The following ANKRD44 variants were observed in gnomAD, a reference collection of about 807,000 sequenced individuals.
ANKRD44 encodes ankyrin repeat domain 44.
A neutral mutation model predicts 116.0 loss-of-function variants in ANKRD44; 35 were observed. The ratio of observed to expected loss-of-function variants is 0.30; its 90% CI spans 0.23 to 0.40. The LOEUF (loss-of-function observed/expected upper bound fraction) is 0.40. Among genes scored for constraint, ANKRD44 ranks in the 10% least tolerant of loss-of-function variants. The probability of loss-of-function intolerance (pLI) is 1.00; values close to 1 mark genes in which losing one functional copy is unlikely to be tolerated. For synonymous variants in ANKRD44, 435 were observed against 461.8 expected (o/e 0.94, Z 0.74); for missense variants, 1,014 against 1,242.6 (o/e 0.82, Z 2.77).
downstream of ANKRD44, among the ~76,000 whole-genome samples, chr2:196,985,578 A>T (rs1353433451): frequency 6.6e-6 from 1 of 152,258 alleles, no homozygotes; most frequent in Admixed American, 6.5e-5. Flanking sequence ...AAGAGAGAAC[A>T]TCTAGAGGCA....
chr2:197,053,649 A>G (rs1178470594), intron 16 of ANKRD44, among the ~76,000 whole-genome samples: 2 of 151,988 alleles, frequency 1.3e-5, no homozygotes, highest in Admixed American at 6.6e-5. Flanking sequence ...ATGCCCATCT[A>G]ATTTTGTATT....
intron 16 of ANKRD44, among the ~76,000 whole-genome samples, chr2:197,076,263 G>A (rs995155316): frequency 8.5e-5 from 13 of 152,176 alleles, no homozygotes; most frequent in Non-Finnish European, 1.8e-4. Flanking sequence ...TGACCCCTGC[G>A]AAGACGGCTA....
chr2:197,169,736 A>C (rs941688691), intron 2 of ANKRD44, among the ~76,000 whole-genome samples: 1 of 152,140 alleles, frequency 6.6e-6, no homozygotes, highest in African/African-American at 2.4e-5. Context: ...AAAGCCCATC[A>C]ATCTGTATTT....
chr2:197,050,607 G>A (rs2077088894), intron 16 of ANKRD44, among the ~76,000 whole-genome samples: 1 of 151,950 alleles, frequency 6.6e-6, no homozygotes, highest in Non-Finnish European at 1.5e-5. Flanking sequence ...ATTTTCAGTG[G>A]AGACAGGGTT....
intron 1 of ANKRD44, among the ~76,000 whole-genome samples, chr2:197,194,164 G>C (rs2080892569): frequency 6.6e-6 from 1 of 152,136 alleles, no homozygotes; most frequent in Admixed American, 6.5e-5. Flanking sequence ...CATCATATTG[G>C]GAGAGAAGCT....
chr2:196,974,015 G>A (rs1336859728), intron 21 of ANKRD44, among the ~76,000 whole-genome samples: 2 of 151,886 alleles, frequency 1.3e-5, no homozygotes, highest in Non-Finnish European at 2.9e-5. Flanking sequence ...TGGAATGAAA[G>A]TAGAAATCAG....
rs550556875 is a variant in ANKRD44 at position 197,288,665 on chromosome 2, T to C, written c.27+21913A>G. Among the ~76,000 whole-genome samples the C allele has an allele frequency of 4.2e-3, 639 of 152,054 alleles. 3 individuals are homozygous for C. The highest frequency in any genetic ancestry group is 0.015 in the African/African-American group (610 of 41,454). On this transcript the variant is annotated intron_variant, in intron 1 of 27. Transcript: ENST00000282272. ...CACGTGATATATATATATACACATA[T>C]ACACACACATATACACATACACACA... is the stretch of plus-strand genomic sequence containing the variant.
At chr2:197,110,639 A>G (rs1445149993) in intron 9 of ANKRD44, 127 bp downstream of exon 9, 3 of 768,108 alleles carry the variant, frequency 3.9e-6, no homozygotes, top group Admixed American at 1.9e-5. Flanking sequence ...TACATCAAAG[A>G]ATTATGTAAT....
At position 197,147,036 on chromosome 2, in the gene ANKRD44, T is replaced by C. The variant is rs1447736805; in HGVS notation, c.181A>G (p.Ile61Val). 2 of 1,613,608 alleles carry C rather than the reference T, an allele frequency of 1.2e-6. No homozygotes were observed. Among genetic ancestry groups the C allele is most frequent in the African/African-American group, 2.7e-5 (2 of 74,908 alleles). ...TATAGCAGTTATTTACCTGACAAAA[T>C]CAGGAGTTCAATGATCTCTGCATCT... Reference protein sequence around the residue: ...LGDAEIIELLILSGARVNAKD... With the variant: ...LGDAEIIELLVLSGARVNAKD... Residue 61 changes from isoleucine (I) to valine (V), a missense_variant, in exon 3 of 28, where the codon ATT becomes GTT. Coordinates refer to ENST00000282272, the MANE Select transcript of ANKRD44 (RefSeq NM_001195144.2).
At chr2:197,248,574 G>GTATATATATATATATATATATATATA (rs1237255982) in intron 1 of ANKRD44, among the ~76,000 whole-genome samples, 2 of 118,784 alleles carry the variant, frequency 1.7e-5, no homozygotes, top group African/African-American at 5.7e-5. Context: ...GTGTGTGTGT[G>GTATATATATATATATATATATATATA]TGTGTATATA....
chr2:197,036,637 ACT>A lies in ANKRD44; in HGVS notation c.1651-11372_1651-11371del, dbSNP rs566605946. Reference sequence around the variant, plus strand: ...TTCTTCTTGGGAGCAGATTTTGATGACTCTGATTATCTCCACCCTCCAGTGTG... The same window carrying A: ...TTCTTCTTGGGAGCAGATTTTGATGACTGATTATCTCCACCCTCCAGTGTG... On this transcript the variant is annotated intron_variant, in intron 16 of 27. Transcript: ENST00000282272. 1.2e-4 allele frequency among the ~76,000 whole-genome samples: 19 copies of A among 152,026 alleles called. No individual in the cohort carries two copies. The South Asian group carries it at 4.0e-3, about 32-fold the overall frequency.
intron 1 of ANKRD44, among the ~76,000 whole-genome samples, chr2:197,244,094 C>T (rs940499574): frequency 1.3e-5 from 2 of 152,176 alleles, no homozygotes; most frequent in Non-Finnish European, 2.9e-5. Flanking sequence ...AAACCAAATA[C>T]TCCTCACAAC....
chr2:197,102,733 C>A, intron 9 of ANKRD44, among the ~76,000 whole-genome samples: 1 of 151,520 alleles, frequency 6.6e-6, no homozygotes. Flanking sequence ...ATATAAAACC[C>A]CAAGAAATAG....
At chr2:197,093,643 T>A (rs2078097329) in intron 10 of ANKRD44, among the ~76,000 whole-genome samples, 1 of 152,216 alleles carries the variant, frequency 6.6e-6, no homozygotes, top group African/African-American at 2.4e-5. Context: ...AAGTCAAGAT[T>A]GGAAATAAAA....
intron 16 of ANKRD44, chr2:197,077,936 C>G (rs1453099613): frequency 6.6e-6 from 1 of 151,948 alleles, no homozygotes; most frequent in Non-Finnish European, 1.5e-5. Context: ...TTCTTATGGA[C>G]AGGAAAAACT....
intron 1 of ANKRD44, among the ~76,000 whole-genome samples, chr2:197,261,387 T>C (rs1194201672): frequency 5.3e-5 from 8 of 152,006 alleles, no homozygotes; most frequent in Admixed American, 5.2e-4. Context: ...CAGATAGTTG[T>C]AGATATGTGG....
chr2:197,099,608 T>C (rs1254919892), intron 10 of ANKRD44: 2 of 1,272,040 alleles, frequency 1.6e-6, no homozygotes, highest in Admixed American at 7.6e-5. Context: ...TAGACCTCAT[T>C]TGGATGAAGC....
intron 2 of ANKRD44, among the ~76,000 whole-genome samples, chr2:197,171,126 A>G (rs2080223491): frequency 6.6e-6 from 1 of 152,254 alleles, no homozygotes; most frequent in African/African-American, 2.4e-5. Flanking sequence ...AAAAGCAAAC[A>G]GGTCTGTTTC....
chr2:197,221,837 C>T (rs1303370426), intron 1 of ANKRD44, among the ~76,000 whole-genome samples: 1 of 152,136 alleles, frequency 6.6e-6, no homozygotes, highest in African/African-American at 2.4e-5. Flanking sequence ...CTAGAAAGCA[C>T]AAAAAGTCAG....
Sources: allele counts gnomAD v4.1 joint callset (sites outside exome capture counted in the v4.1 genomes callset), GRCh38; gene constraint gnomAD v4.1.1; transcripts MANE v1.5; gene names NCBI Gene and HGNC (gene_info 2026-07-23, HGNC 2026-07-21).